RALGAPA1: variants seen among roughly 807,000 people sequenced by gnomAD.
RALGAPA1 encodes ral GTPase-activating protein subunit alpha-1.
RALGAPA1 carries 52 observed loss-of-function variants against 269.6 expected under a neutral mutation model. The ratio of observed to expected loss-of-function variants is 0.19; its 90% confidence interval spans 0.15 to 0.24. RALGAPA1 has a LOEUF of 0.24. Ranked by LOEUF, RALGAPA1 falls within the 10% of genes least tolerant of loss-of-function variation. The probability of loss-of-function intolerance (pLI) is 1.00; values close to 1 mark genes in which losing one functional copy is unlikely to be tolerated. For synonymous variants in RALGAPA1, 817 were observed against 1,008.3 expected, an observed-to-expected ratio of 0.81 and a Z score of 3.60; for missense variants, 1,917 against 3,013.9, an observed-to-expected ratio of 0.64 and a Z score of 8.52.
intron 7 of RALGAPA1, among the ~76,000 whole-genome samples, chr14:35,756,082 G>A (rs2073140849): frequency 6.6e-6 from 1 of 152,136 alleles, no homozygotes; most frequent in Admixed American, 6.6e-5. Flanking sequence ...TTGGCAGATT[G>A]ATTCCTAAAT....
At position 35,752,306 on chromosome 14, in the gene RALGAPA1, A is replaced by G. The variant is rs1372732213; in HGVS notation, c.664-144T>C. On this transcript the variant is annotated intron_variant, in intron 7 of 41. Coordinates refer to ENST00000680220, the MANE Select transcript of RALGAPA1 (RefSeq NM_001346249.2). ...GATCATGATACATAGCATAAGGACA[A>G]ATCTTTTAAATTGGTCTAATGTCAA... is the stretch of plus-strand genomic sequence containing the variant. The G allele has an allele frequency of 1.0e-5, 10 of 959,954 alleles. No homozygotes were observed. The East Asian group carries it at 3.2e-4, about 31-fold the overall frequency. The allele number at this position is 959,954 out of a possible 1,614,324, so 59.5% of individuals were successfully genotyped here. A position where few individuals can be genotyped will look rare whatever the true frequency, so the allele number is the denominator to read the frequency against.
chr14:35,670,061 T>C (rs1048918790), intron 26 of RALGAPA1, among the ~76,000 whole-genome samples: 5 of 152,232 alleles, frequency 3.3e-5, no homozygotes, highest in Non-Finnish European at 5.9e-5. Flanking sequence ...GCTTTGTCTG[T>C]TTACACTAGG....
intron 1 of RALGAPA1, among the ~76,000 whole-genome samples, chr14:35,794,686 G>C (rs2076432866): frequency 6.6e-6 from 1 of 152,134 alleles, no homozygotes; most frequent in Non-Finnish European, 1.5e-5. Context: ...CTCATCTCCT[G>C]ACCTCGTGAT....
chr14:35,796,453 C>T (rs985963204), intron 1 of RALGAPA1, among the ~76,000 whole-genome samples: 1 of 151,916 alleles, frequency 6.6e-6, no homozygotes, highest in African/African-American at 2.4e-5. Context: ...AAACGTAAGG[C>T]GGGGAGAAAG....
intron 37 of RALGAPA1, among the ~76,000 whole-genome samples, chr14:35,574,109 T>C (rs182182390): frequency 1.3e-5 from 2 of 152,328 alleles, no homozygotes; most frequent in Admixed American, 1.3e-4. Context: ...TAATAAACGA[T>C]AGTAAAAGCT....
chr14:35,582,774 G>T (rs1410796620), intron 37 of RALGAPA1, among the ~76,000 whole-genome samples: 3 of 152,138 alleles, frequency 2.0e-5, no homozygotes, highest in African/African-American at 7.2e-5. Flanking sequence ...TTCTTTAAAA[G>T]GCCTGCCCTC....
intron 33 of RALGAPA1, among the ~76,000 whole-genome samples, chr14:35,634,064 T>G (rs2061518943): frequency 6.6e-6 from 1 of 152,146 alleles, no homozygotes; most frequent in Non-Finnish European, 1.5e-5. Flanking sequence ...CAGGTCAGAC[T>G]CCAAAGCTAT....
At chr14:35,777,223 CAAAAG>C (rs1859252210) in intron 1 of RALGAPA1, among the ~76,000 whole-genome samples, 1 of 151,838 alleles carries the variant, frequency 6.6e-6, no homozygotes, top group African/African-American at 2.4e-5. Context: ...TAACGAAAAA[CAAAAG>C]AAAAGAAAAA....
chr14:35,550,807 G>T (rs1215282033), intron 39 of RALGAPA1, among the ~76,000 whole-genome samples: 2 of 152,046 alleles, frequency 1.3e-5, no homozygotes, highest in Admixed American at 6.6e-5. Context: ...AACTTCAAAA[G>T]AATTTTACTT....
At chr14:35,559,173 ATGGATAGAT>A (rs1316047485) in intron 39 of RALGAPA1, among the ~76,000 whole-genome samples, 1 of 152,214 alleles carries the variant, frequency 6.6e-6, no homozygotes, top group Non-Finnish European at 1.5e-5. Flanking sequence ...TTAGAAGAAA[ATGGATAGAT>A]TTGTGACCCA....
At chr14:35,660,996 C>T (rs1355424445) in intron 27 of RALGAPA1, among the ~76,000 whole-genome samples, 1 of 152,058 alleles carries the variant, frequency 6.6e-6, no homozygotes, top group Admixed American at 6.5e-5. Context: ...GTAAAGGGTA[C>T]AAAGTTTCAA....
At chr14:35,754,468 T>G (rs1224739608) in intron 7 of RALGAPA1, among the ~76,000 whole-genome samples, 1 of 152,120 alleles carries the variant, frequency 6.6e-6, no homozygotes, top group Non-Finnish European at 1.5e-5. Flanking sequence ...AAAAAGATAT[T>G]CAACATACCA....
At chr14:35,580,560 C>T (rs1362682949) in intron 37 of RALGAPA1, among the ~76,000 whole-genome samples, 1 of 152,090 alleles carries the variant, frequency 6.6e-6, no homozygotes, top group Non-Finnish European at 1.5e-5. Context: ...GAAGTATAGT[C>T]TATGTTGTAA....
At chr14:35,596,376 A>G (rs2139023673) in intron 36 of RALGAPA1, among the ~76,000 whole-genome samples, 1 of 152,194 alleles carries the variant, frequency 6.6e-6, no homozygotes, top group East Asian at 1.9e-4. Context: ...GCATTGGATG[A>G]TATTCCCCGG....
At chr14:35,664,889 G>A (rs1333149406) in intron 26 of RALGAPA1, 122 bp from the exon 27 acceptor site, 2 of 813,394 alleles carry the variant, frequency 2.5e-6, no homozygotes, top group East Asian at 2.7e-5. Context: ...ATTTAAAAAG[G>A]AAAGGGAAAA....
At chr14:35,602,048 T>C (rs1444999254) in intron 36 of RALGAPA1, among the ~76,000 whole-genome samples, 1 of 152,218 alleles carries the variant, frequency 6.6e-6, no homozygotes, top group African/African-American at 2.4e-5. Context: ...ATTGTGGATA[T>C]TACATATAAA....
chr14:35,553,657 T>C (rs1160070914), intron 39 of RALGAPA1, among the ~76,000 whole-genome samples: 1 of 152,192 alleles, frequency 6.6e-6, no homozygotes, highest in Non-Finnish European at 1.5e-5. Context: ...TGTGTATATA[T>C]GTATGCGTAT....
chr14:35,664,727 A>G lies in RALGAPA1; in HGVS notation c.5243T>C (p.Val1748Ala), dbSNP rs1275612581. The change falls in exon 27 of 42, where the codon GTT becomes GCT. Residue 1748 changes from valine (V) to alanine (A), a missense_variant. Transcript: ENST00000680220. Reference sequence around the variant, plus strand: ...TTCACAATATAAGTTGGGAAAGCAAACCAAAGATCCCAGAAGAACTTGTGC... The same window carrying G: ...TTCACAATATAAGTTGGGAAAGCAAGCCAAAGATCCCAGAAGAACTTGTGC... ...VEAQVLLGSLVCFPNLYCELP... is the reference protein window; with the variant it reads ...VEAQVLLGSLACFPNLYCELP... 1.9e-6 allele frequency: 3 copies of G among 1,612,862 alleles called. No individual in the cohort carries two copies. The highest frequency in any genetic ancestry group is 2.5e-6 in the Non-Finnish European group (3 of 1,179,650).
chr14:35,545,308 C>T (rs2054354500), intron 41 of RALGAPA1, among the ~76,000 whole-genome samples: 1 of 151,752 alleles, frequency 6.6e-6, no homozygotes, highest in South Asian at 2.1e-4. Context: ...TAGATCTGAC[C>T]ATCATAAATT....
Sources: gnomAD v4.1 joint callset for allele counts (sites outside exome capture counted in the v4.1 genomes callset) on GRCh38, gnomAD v4.1.1 for gene constraint, MANE v1.5 for transcripts, NCBI Gene and HGNC (gene_info 2026-07-23, HGNC 2026-07-21) for gene names.